Variants in UBE3D observed in about 807,000 individuals in gnomAD.
UBE3D encodes ubiquitin protein ligase E3D.
UBE3D carries 48 observed loss-of-function variants against 49.6 expected under a neutral mutation model. That is an observed-to-expected ratio of 0.97 (90% confidence interval 0.77 to 1.23). UBE3D has a LOEUF of 1.23. Among genes scored for constraint, UBE3D ranks in the 50% most tolerant of loss-of-function variants. UBE3D has a pLI of 0.00. For missense variants in UBE3D, 452 were observed against 468.4 expected, an observed-to-expected ratio of 0.96 and a Z score of 0.32; for synonymous variants, 189 against 174.2, an observed-to-expected ratio of 1.08 and a Z score of -0.67.
chr6:83,034,077 A>G (rs886231471), intron 5 of UBE3D, among the ~76,000 whole-genome samples: 1 of 152,178 alleles, frequency 6.6e-6, no homozygotes, highest in African/African-American at 2.4e-5. Flanking sequence ...CTAGTGCCCT[A>G]ATATGGTTCT....
chr6:82,914,766 C>T (rs1772790101), intron 9 of UBE3D, among the ~76,000 whole-genome samples: 1 of 152,118 alleles, frequency 6.6e-6, no homozygotes, highest in African/African-American at 2.4e-5. Context: ...CTATTACTTC[C>T]CCATTTAGCA....
At chr6:82,966,972 T>C (rs140211114) in intron 8 of UBE3D, among the ~76,000 whole-genome samples, 184 of 152,340 alleles carry the variant, frequency 1.2e-3, no homozygotes, top group Non-Finnish European at 1.7e-3. Context: ...GTCTCTATAC[T>C]ATGTAGTTCA....
the UBE3D span, among the ~76,000 whole-genome samples, chr6:82,881,690 T>C: frequency 6.6e-6 from 1 of 152,198 alleles, no homozygotes; most frequent in Non-Finnish European, 1.5e-5. Context: ...CTTCTCTTTC[T>C]CTGTCCCAGC....
intron 9 of UBE3D, chr6:82,924,712 T>G (rs1439299203): frequency 6.6e-6 from 1 of 152,214 alleles, no homozygotes; most frequent in Non-Finnish European, 1.5e-5. Flanking sequence ...TAACATCATT[T>G]GTTTCCTTTA....
At chr6:82,965,219 T>C (rs1480250909) in intron 8 of UBE3D, among the ~76,000 whole-genome samples, 1 of 152,176 alleles carries the variant, frequency 6.6e-6, no homozygotes, top group African/African-American at 2.4e-5. Flanking sequence ...AAATAAGAAA[T>C]GTTGTCTTTT....
At chr6:83,002,869 T>A (rs1364783982) in intron 8 of UBE3D, among the ~76,000 whole-genome samples, 1 of 152,184 alleles carries the variant, frequency 6.6e-6, no homozygotes, top group Non-Finnish European at 1.5e-5. Flanking sequence ...ATAAATACAT[T>A]TCTGTTGTTT....
At chr6:82,950,017 A>T (rs557309633) in intron 9 of UBE3D, among the ~76,000 whole-genome samples, 1 of 152,166 alleles carries the variant, frequency 6.6e-6, no homozygotes, top group Non-Finnish European at 1.5e-5. Flanking sequence ...GACAAATGAG[A>T]TCACATCAAA....
At chr6:82,881,167 A>G in the UBE3D span, among the ~76,000 whole-genome samples, 1 of 152,164 alleles carries the variant, frequency 6.6e-6, no homozygotes, top group Non-Finnish European at 1.5e-5. Flanking sequence ...AGGTCTGGAG[A>G]GAATCCTGCA....
chr6:83,000,409 A>T (rs115981383), intron 8 of UBE3D, among the ~76,000 whole-genome samples: 291 of 152,272 alleles, frequency 1.9e-3, no homozygotes, highest in African/African-American at 6.8e-3. Context: ...CCAATCAATC[A>T]TCAAGTATGC....
chr6:83,059,573 A>G (rs1784034236), intron 1 of UBE3D, among the ~76,000 whole-genome samples: 1 of 152,228 alleles, frequency 6.6e-6, no homozygotes, highest in Admixed American at 6.5e-5. Flanking sequence ...AAGTGCCGCA[A>G]GAGATACCAC....
At chr6:82,983,828 T>C (rs996662433) in intron 8 of UBE3D, among the ~76,000 whole-genome samples, 1 of 152,186 alleles carries the variant, frequency 6.6e-6, no homozygotes, top group African/African-American at 2.4e-5. Flanking sequence ...TTAGGATATA[T>C]ACTAAGAGAG....
chr6:82,917,595 G>A (rs1419271354), intron 9 of UBE3D, among the ~76,000 whole-genome samples: 1 of 152,170 alleles, frequency 6.6e-6, no homozygotes. Flanking sequence ...ATTGTAATGA[G>A]CACGATTAGG....
chr6:82,942,107 G>T (rs934189125), intron 9 of UBE3D, among the ~76,000 whole-genome samples: 1 of 152,162 alleles, frequency 6.6e-6, no homozygotes, highest in Non-Finnish European at 1.5e-5. Context: ...TTATTGAATG[G>T]TTTTGACCAA....
At chr6:83,039,648 A>ATTTTG (rs1782513316) in intron 4 of UBE3D, among the ~76,000 whole-genome samples, 1 of 151,024 alleles carries the variant, frequency 6.6e-6, no homozygotes, top group African/African-American at 2.4e-5. Flanking sequence ...GTTTTGTTTT[A>ATTTTG]TTTTGTTTTG....
chr6:82,903,126 G>GC (rs2127719032), intron 9 of UBE3D, among the ~76,000 whole-genome samples: 1 of 152,212 alleles, frequency 6.6e-6, no homozygotes, highest in African/African-American at 2.4e-5. Context: ...TTTTAAGTCA[G>GC]ATTTAGTGCA....
intron 5 of UBE3D, among the ~76,000 whole-genome samples, chr6:83,029,603 T>C (rs1433333983): frequency 2.6e-5 from 4 of 152,226 alleles, no homozygotes; most frequent in Admixed American, 6.5e-5. Context: ...GACCTTTTTT[T>C]CTTGAGTATG....
chr6:82,987,445 T>C (rs542008141), intron 8 of UBE3D, among the ~76,000 whole-genome samples: 1 of 152,380 alleles, frequency 6.6e-6, no homozygotes, highest in Non-Finnish European at 1.5e-5. Flanking sequence ...CCTGTGCCTC[T>C]AATTGCTTTC....
intron 2 of UBE3D, 138 bp from the exon 3 acceptor site, chr6:83,054,376 C>T (rs1282569865): frequency 3.1e-6 from 2 of 635,542 alleles, no homozygotes; most frequent in African/African-American, 3.7e-5. Context: ...TTAATTAATA[C>T]TATCTGATGA....
chr6:82,982,948 T>C (rs939744395), intron 8 of UBE3D, among the ~76,000 whole-genome samples: 3 of 152,164 alleles, frequency 2.0e-5, no homozygotes, highest in African/African-American at 7.2e-5. Context: ...AAAGCTATGA[T>C]GGTTCATAGC....
Sources: gnomAD v4.1 joint callset for allele counts (sites outside exome capture counted in the v4.1 genomes callset) on GRCh38, gnomAD v4.1.1 for gene constraint, MANE v1.5 for transcripts, NCBI Gene and HGNC (gene_info 2026-07-23, HGNC 2026-07-21) for gene names.